PPP2R2C: variants seen among roughly 807,000 people sequenced by gnomAD.
The protein encoded by PPP2R2C is protein phosphatase 2, regulatory subunit B, gamma.
A neutral mutation model predicts 45.3 loss-of-function variants in PPP2R2C; 10 were observed. The ratio of observed to expected loss-of-function variants is 0.22; its 90% confidence interval spans 0.14 to 0.37. The LOEUF is 0.37. Ranked by LOEUF, PPP2R2C falls within the 10% of genes least tolerant of loss-of-function variation. The pLI is 1.00. For synonymous variants in PPP2R2C, 257 were observed against 245.4 expected (o/e 1.05, Z -0.44); for missense variants, 308 against 619.7 (o/e 0.50, Z 5.34).
At chr4:6,432,439 C>T (rs1381539261) in intron 1 of PPP2R2C, among the ~76,000 whole-genome samples, 1 of 152,198 alleles carries the variant, frequency 6.6e-6, no homozygotes, top group Admixed American at 6.5e-5. Context: ...CGGGACCCAG[C>T]GCCTGCTGCC....
chr4:6,515,089 CA>C (rs1723789084), intron 2 of PPP2R2C, among the ~76,000 whole-genome samples: 1 of 152,148 alleles, frequency 6.6e-6, no homozygotes, highest in African/African-American at 2.4e-5. Context: ...TCACAGGCAT[CA>C]GGGGTGAGGA....
At chr4:6,346,568 A>T (rs930094052) in intron 6 of PPP2R2C, among the ~76,000 whole-genome samples, 1 of 152,102 alleles carries the variant, frequency 6.6e-6, no homozygotes, top group African/African-American at 2.4e-5. Context: ...CCTCTGCTGC[A>T]CACCCATGCC....
At chr4:6,373,608 C>T (rs1055359296) in intron 4 of PPP2R2C, among the ~76,000 whole-genome samples, 2 of 152,244 alleles carry the variant, frequency 1.3e-5, no homozygotes, top group African/African-American at 2.4e-5. Flanking sequence ...CAGAGAGACT[C>T]TCCAGTGAAT....
chr4:6,348,926 C>T, intron 5 of PPP2R2C: 3 of 872,798 alleles, frequency 3.4e-6, no homozygotes, highest in Non-Finnish European at 4.1e-6. Flanking sequence ...GTATCCCTGA[C>T]TGTTACACTA....
chr4:6,440,232 T>C (rs1720086643), intron 1 of PPP2R2C, among the ~76,000 whole-genome samples: 1 of 152,242 alleles, frequency 6.6e-6, no homozygotes, highest in Admixed American at 6.5e-5. Context: ...TACATACATG[T>C]TGGATGCGTG....
intron 1 of PPP2R2C, among the ~76,000 whole-genome samples, chr4:6,441,883 T>C (rs530941515): frequency 1.5e-4 from 23 of 152,172 alleles, no homozygotes; most frequent in African/African-American, 5.5e-4. Flanking sequence ...AGCACTGCGG[T>C]CAAAATTAAA....
intron 1 of PPP2R2C, among the ~76,000 whole-genome samples, chr4:6,388,915 A>G (rs1716412504): frequency 6.6e-6 from 1 of 151,894 alleles, no homozygotes; most frequent in Non-Finnish European, 1.5e-5. Flanking sequence ...CAGAGCTGAG[A>G]TGAGAGTGTG....
chr4:6,540,350 A>G lies in PPP2R2C; in HGVS notation c.-58-4973T>C, dbSNP rs192085240. On this transcript the variant is annotated intron_variant, in intron 1 of 9. Coordinates refer to the PPP2R2C transcript ENST00000506140. Reference sequence around the variant, plus strand: ...TTGTGTCTGGCTTCTTTCACTTAACATGATCTTAACATGATGTGTTCAAGG... The same window carrying G: ...TTGTGTCTGGCTTCTTTCACTTAACGTGATCTTAACATGATGTGTTCAAGG... 1.5e-3 allele frequency among the ~76,000 whole-genome samples: 234 copies of G among 152,348 alleles called. 2 individuals carry two copies. The highest frequency in any genetic ancestry group is 2.5e-3 in the Non-Finnish European group (168 of 68,042).
chr4:6,518,922 T>TAAAAAAAAAAAAAA (rs56002128), intron 2 of PPP2R2C, among the ~76,000 whole-genome samples: 18 of 92,914 alleles, frequency 1.9e-4, no homozygotes, highest in African/African-American at 5.0e-4. Context: ...GACTCTGTCT[T>TAAAAAAAAAAAAAA]AAAAAAAAAA....
At chr4:6,442,282 C>T (rs965865287) in intron 1 of PPP2R2C, among the ~76,000 whole-genome samples, 7 of 152,260 alleles carry the variant, frequency 4.6e-5, no homozygotes, top group Non-Finnish European at 8.8e-5. Context: ...CCCTCCCAGC[C>T]GTGGGCTGAT....
At chr4:6,341,851 A>T (rs1242130383) in intron 6 of PPP2R2C, among the ~76,000 whole-genome samples, 1 of 152,128 alleles carries the variant, frequency 6.6e-6, no homozygotes, top group East Asian at 1.9e-4. Context: ...CAGCCTCCAG[A>T]GATAACACAG....
chr4:6,335,857 C>G (rs114222363), intron 6 of PPP2R2C, among the ~76,000 whole-genome samples: 2 of 152,076 alleles, frequency 1.3e-5, no homozygotes, highest in Non-Finnish European at 2.9e-5. Flanking sequence ...AGGTCCCCCC[C>G]ACCTCTCTTG....
At chr4:6,351,243 G>T in intron 5 of PPP2R2C, 1 of 503,444 alleles carries the variant, frequency 2.0e-6, no homozygotes, top group Non-Finnish European at 2.6e-6. Flanking sequence ...GACTGGGGAG[G>T]CAGAGGTTGC....
chr4:6,508,743 AC>A (rs1723325100), intron 2 of PPP2R2C, among the ~76,000 whole-genome samples: 1 of 152,224 alleles, frequency 6.6e-6, no homozygotes, highest in Non-Finnish European at 1.5e-5. Flanking sequence ...GGAAAACTCC[AC>A]TGGTAAGGGA....
chr4:6,497,678 A>C (rs947924023), intron 2 of PPP2R2C, among the ~76,000 whole-genome samples: 3 of 152,178 alleles, frequency 2.0e-5, no homozygotes, highest in African/African-American at 7.2e-5. Context: ...TGCTACATTA[A>C]AATCATCATA....
At chr4:6,357,793 C>G (rs1015103307) in intron 5 of PPP2R2C, among the ~76,000 whole-genome samples, 3 of 152,176 alleles carry the variant, frequency 2.0e-5, no homozygotes, top group Non-Finnish European at 4.4e-5. Context: ...AGAACCTGCA[C>G]CTGGGGGAGT....
chr4:6,429,094 TG>T, intron 1 of PPP2R2C, among the ~76,000 whole-genome samples: 1 of 1,200 alleles, frequency 8.3e-4, no homozygotes, highest in African/African-American at 1.9e-3. Context: ...TGTAGATACA[TG>T]CCATGTGTAG....
intron 6 of PPP2R2C, among the ~76,000 whole-genome samples, chr4:6,346,178 C>T (rs1711897680): frequency 6.6e-6 from 1 of 152,210 alleles, no homozygotes; most frequent in African/African-American, 2.4e-5. Context: ...CCTGCAGCGA[C>T]CTCTGACGCC....
intron 1 of PPP2R2C, 74 bp downstream of exon 1, chr4:6,472,086 T>C: frequency 6.3e-7 from 1 of 1,593,528 alleles, no homozygotes; most frequent in Non-Finnish European, 8.6e-7. Flanking sequence ...GTCCAAACCT[T>C]CGGAGGGCAT....
Sources: allele counts gnomAD v4.1 joint callset (sites outside exome capture counted in the v4.1 genomes callset), GRCh38; gene constraint gnomAD v4.1.1; transcripts MANE v1.5; gene names NCBI Gene and HGNC (gene_info 2026-07-23, HGNC 2026-07-21).